HTR4: variants seen among roughly 807,000 people sequenced by gnomAD.
The protein encoded by HTR4 is 5-hydroxytryptamine receptor 4.
In HTR4, 16 loss-of-function variants were observed where a neutral mutation model predicts 36.8. The observed-to-expected ratio is 0.43, with a 90% confidence interval of 0.29 to 0.66. The LOEUF (loss-of-function observed/expected upper bound fraction) is 0.66, where lower values mean the gene tolerates loss of function less well. HTR4 is among the 30% of genes least tolerant of loss of function. The pLI is 0.13. For synonymous variants in HTR4, 189 were observed against 185.1 expected, an observed-to-expected ratio of 1.02 and a Z score of -0.17; for missense variants, 438 against 490.9, an observed-to-expected ratio of 0.89 and a Z score of 1.02.
chr5:148,576,490 A>C (rs1344168370), intron 2 of HTR4, among the ~76,000 whole-genome samples: 1 of 152,092 alleles, frequency 6.6e-6, no homozygotes, highest in East Asian at 1.9e-4. Flanking sequence ...TATGGAACCA[A>C]TAAAGAGCTC....
In HTR4 at chr5:148,482,596, A is replaced by G. The variant is rs140347566; in HGVS notation, c.*607T>C. 4.8e-5 allele frequency: 47 copies of G among 987,290 alleles called. No homozygotes were observed. In the African/African-American group the frequency reaches 8.0e-4, roughly 17 times the overall value. The allele number at this position is 987,290 out of a possible 1,614,324, so 61.2% of individuals were successfully genotyped here. A position where few individuals can be genotyped will look rare whatever the true frequency, so the allele number is the denominator to read the frequency against. Reference sequence around the variant, plus strand: ...AAGGAAGAGCAAGTGGACGTCTGGGACTGACAAGGGGGCCAACCAAGAGGA... The same window carrying G: ...AAGGAAGAGCAAGTGGACGTCTGGGGCTGACAAGGGGGCCAACCAAGAGGA... On this transcript the variant is annotated 3_prime_UTR_variant, in exon 7 of 7. Coordinates refer to ENST00000377888, the MANE Select transcript of HTR4 (RefSeq NM_000870.7).
chr5:148,606,323 AG>A (rs1438196908), intron 2 of HTR4, among the ~76,000 whole-genome samples: 1 of 152,180 alleles, frequency 6.6e-6, no homozygotes, highest in Non-Finnish European at 1.5e-5. Context: ...CCTGGCATAC[AG>A]GCAGGTGTAA....
At chr5:148,475,903 C>G (rs1755683020), downstream of HTR4, among the ~76,000 whole-genome samples, 1 of 152,176 alleles carries the variant, frequency 6.6e-6, no homozygotes, top group East Asian at 1.9e-4. Context: ...GAAACTGAAG[C>G]TCCAAGAGTT....
intron 5 of HTR4, among the ~76,000 whole-genome samples, chr5:148,520,573 T>C (rs1485329261): frequency 2.0e-5 from 3 of 152,156 alleles, no homozygotes; most frequent in Admixed American, 1.3e-4. Context: ...CCAATGACTT[T>C]AGTGAATAAT....
At chr5:148,513,903 A>AT (rs1474877004) in intron 5 of HTR4, among the ~76,000 whole-genome samples, 1 of 152,148 alleles carries the variant, frequency 6.6e-6, no homozygotes, top group Non-Finnish European at 1.5e-5. Context: ...TAAAATCCTG[A>AT]TTCCTAATTG....
chr5:148,615,961 G>A (rs1752666687), intron 2 of HTR4, among the ~76,000 whole-genome samples: 1 of 152,042 alleles, frequency 6.6e-6, no homozygotes, highest in African/African-American at 2.4e-5. Context: ...TTTTCCCTTT[G>A]GTTTCCATAA....
chr5:148,626,701 A>G (rs928277154), intron 2 of HTR4, among the ~76,000 whole-genome samples: 6 of 152,202 alleles, frequency 3.9e-5, no homozygotes, highest in African/African-American at 1.4e-4. Context: ...TGGTCAGAAG[A>G]AGGCAGAGCT....
intron 2 of HTR4, among the ~76,000 whole-genome samples, chr5:148,604,036 T>A (rs867124041): frequency 3.9e-5 from 6 of 152,156 alleles, no homozygotes; most frequent in Middle Eastern, 3.4e-3. Context: ...TTCAAATGAA[T>A]CATAAATCTA....
chr5:148,532,466 A>G (rs562437002), intron 4 of HTR4, among the ~76,000 whole-genome samples: 173 of 152,332 alleles, frequency 1.1e-3, no homozygotes, highest in African/African-American at 4.1e-3. Flanking sequence ...AGTACAATAA[A>G]TTCCATTAAA....
rs184358287 is a variant in HTR4 at position 148,498,432 on chromosome 5, C to T, written c.1076+11024G>A. Among the ~76,000 whole-genome samples, 170 of 152,148 alleles carry T rather than the reference C, an allele frequency of 1.1e-3. 1 individual carries two copies. Among genetic ancestry groups the T allele is most frequent in the Admixed American group, 3.3e-3 (51 of 15,270 alleles). ...ATTTTCAATTTTGAGTATTTTAATC[C>T]TTCATAAATCTGAAGAGAATCAGGA... On this transcript the variant is annotated intron_variant, in intron 6 of 6. Coordinates refer to ENST00000377888, the MANE Select transcript of HTR4 (RefSeq NM_000870.7).
intron 2 of HTR4, among the ~76,000 whole-genome samples, chr5:148,593,703 T>C (rs550422890): frequency 6.6e-6 from 1 of 152,292 alleles, no homozygotes; most frequent in South Asian, 2.1e-4. Flanking sequence ...TGTCATTCTA[T>C]GGCTTAAAAA....
intron 2 of HTR4, among the ~76,000 whole-genome samples, chr5:148,586,525 T>A (rs1447736764): frequency 6.6e-6 from 1 of 152,090 alleles, no homozygotes; most frequent in Non-Finnish European, 1.5e-5. Context: ...ACTGCCACTT[T>A]TAAACCATCA....
At chr5:148,473,909 A>C (rs1755633229), downstream of HTR4, among the ~76,000 whole-genome samples, 1 of 152,118 alleles carries the variant, frequency 6.6e-6, no homozygotes, top group South Asian at 2.1e-4. Context: ...AAATGCCAGG[A>C]AATTAGAGAA....
chr5:148,650,949 C>T (rs1407836601), intron 1 of HTR4, among the ~76,000 whole-genome samples: 1 of 152,142 alleles, frequency 6.6e-6, no homozygotes, highest in Non-Finnish European at 1.5e-5. Context: ...ATGCAAGGCA[C>T]TATAATATGG....
At chr5:148,601,626 C>G (rs74501159) in intron 2 of HTR4, among the ~76,000 whole-genome samples, 3,315 of 152,112 alleles carry the variant, frequency 0.022, 66 homozygotes, top group South Asian at 0.086. Flanking sequence ...CACAGTGAAA[C>G]CTTCTCTTTG....
At chr5:148,637,523 T>A (rs757592382) in intron 1 of HTR4, among the ~76,000 whole-genome samples, 6 of 152,164 alleles carry the variant, frequency 3.9e-5, no homozygotes, top group African/African-American at 7.2e-5. Flanking sequence ...TAGTAAACTC[T>A]TGAGAACTGT....
chr5:148,486,284 A>C (rs1456743540), intron 6 of HTR4, among the ~76,000 whole-genome samples: 1 of 152,224 alleles, frequency 6.6e-6, no homozygotes, highest in Non-Finnish European at 1.5e-5. Context: ...ATGATAAAAA[A>C]AAATGTGGTA....
chr5:148,548,913 A>C, intron 3 of HTR4, 45 bp from the exon 4 acceptor site: 1 of 1,349,646 alleles, frequency 7.4e-7, no homozygotes, highest in South Asian at 1.2e-5. Context: ...GGAGGGATGA[A>C]GGGAAAAAGG....
chr5:148,490,613 A>G (rs746388410), intron 6 of HTR4: 79 of 1,167,620 alleles, frequency 6.8e-5, no homozygotes, highest in Non-Finnish European at 8.4e-5. Flanking sequence ...TTCCCCAGAA[A>G]TGTTGACTAA....
Sources: allele counts gnomAD v4.1 joint callset (sites outside exome capture counted in the v4.1 genomes callset), GRCh38; gene constraint gnomAD v4.1.1; transcripts MANE v1.5; gene names NCBI Gene and HGNC (gene_info 2026-07-23, HGNC 2026-07-21).